The following HOOK2 variants were observed in gnomAD, a reference collection of about 807,000 sequenced individuals.
HOOK2 encodes the protein hook microtubule tethering protein 2.
Under a neutral mutation model 111.9 loss-of-function variants are expected in HOOK2, and 108 were observed. That is an observed-to-expected ratio of 0.96 (90% confidence interval 0.83 to 1.13). The LOEUF (loss-of-function observed/expected upper bound fraction) is 1.13. HOOK2 is among the 50% of genes most tolerant of loss of function. The pLI, the probability that HOOK2 is intolerant of heterozygous loss-of-function variation, is 0.00. For synonymous variants in HOOK2, 405 were observed against 394.3 expected (o/e 1.03, Z -0.32); for missense variants, 978 against 951.3 (o/e 1.03, Z -0.37).
Position 12,763,670 on chromosome 19 carries a change from C to A in HOOK2, c.1936G>T (p.Glu646Ter), listed in dbSNP as rs1184965380. 4.3e-6 allele frequency: 7 copies of A among 1,614,004 alleles called. No homozygotes were observed. The highest frequency in any genetic ancestry group is 4.2e-6 in the Non-Finnish European group (5 of 1,179,830). ...RERDVRIRHLEMDFEKSRSQR... is the reference protein window; with the variant it reads ...RERDVRIRHL The stretch of plus-strand genomic sequence containing the variant: ...CGTAAAGGGACGAGGACACCCACCT[C>A]CAGGTGTCGGATGCGGACATCCCGT... Residue 646 changes from glutamate to a stop codon, truncating the protein, a stop_gained and splice_region_variant, in exon 21 of 23, where the codon GAG becomes TAG. Transcript: ENST00000397668. LOFTEE classifies it high-confidence loss of function.
chr19:12,766,399 C>G, intron 14 of HOOK2, 159 bp from the exon 15 acceptor site: 1 of 888,756 alleles, frequency 1.1e-6, no homozygotes, highest in Non-Finnish European at 1.6e-6. Flanking sequence ...GGTTCAGGTT[C>G]CCGGCCCAGG....
intron 3 of HOOK2, among the ~76,000 whole-genome samples, chr19:12,789,174 T>TGAGAGAGAGAGAGAGAGACAAAGAGAGA (rs1249725564): frequency 6.8e-6 from 1 of 147,454 alleles, no homozygotes; most frequent in Non-Finnish European, 1.5e-5. Context: ...CCTGGGAAGC[T>TGAGAGAGAGAGAGAGAGACAAAGAGAGA]GAGAGAGAGA....
intron 19 of HOOK2, 26 bp downstream of exon 19, chr19:12,764,973 C>G (rs1207580219): frequency 8.7e-6 from 14 of 1,614,078 alleles, no homozygotes; most frequent in Middle Eastern, 1.6e-4. Flanking sequence ...GATCTCCCCA[C>G]CCTCTGGTCA....
chr19:12,779,806 G>A (rs935791173), upstream of HOOK2, among the ~76,000 whole-genome samples: 1 of 152,108 alleles, frequency 6.6e-6, no homozygotes, highest in African/African-American at 2.4e-5. Context: ...TTCGGGGACT[G>A]GGGGAGGGGA....
intron 3 of HOOK2, among the ~76,000 whole-genome samples, chr19:12,789,594 G>C (rs1232964805): frequency 6.6e-6 from 1 of 152,018 alleles, no homozygotes; most frequent in Non-Finnish European, 1.5e-5. Context: ...CCCCACCCGA[G>C]GGAGGAGGCA....
chr19:12,779,967 T>C (rs1024574171), upstream of HOOK2, among the ~76,000 whole-genome samples: 2 of 152,060 alleles, frequency 1.3e-5, no homozygotes, highest in African/African-American at 4.8e-5. Context: ...CTGGCCAACA[T>C]AGTGAAACCC....
chr19:12,769,577 A>G (rs1968252870), intron 11 of HOOK2, among the ~76,000 whole-genome samples: 1 of 152,114 alleles, frequency 6.6e-6, no homozygotes, highest in African/African-American at 2.4e-5. Flanking sequence ...CCTGGCCTTT[A>G]TGCATTTTAG....
chr19:12,767,933 G>A (rs747160248), intron 12 of HOOK2, 30 bp from the exon 13 acceptor site: 46 of 1,610,838 alleles, frequency 2.9e-5, no homozygotes, highest in Non-Finnish European at 3.5e-5. Context: ...GACACTCCAC[G>A]GGTCAGGCTC....
chr19:12,775,312 C>T, intron 1 of HOOK2, 93 bp downstream of exon 1: 5 of 1,536,546 alleles, frequency 3.3e-6, no homozygotes, highest in East Asian at 4.9e-5. Context: ...CACCTCCCAG[C>T]CCCAGCACCA....
upstream of HOOK2, among the ~76,000 whole-genome samples, chr19:12,782,667 G>A (rs936870804): frequency 1.3e-5 from 2 of 152,152 alleles, no homozygotes; most frequent in East Asian, 3.9e-4. Context: ...GTGCGTGGGC[G>A]GTGGCGGGGG....
At chr19:12,766,051 C>G (rs370090402) in intron 15 of HOOK2, 37 bp from the exon 16 acceptor site, 1 of 1,609,142 alleles carries the variant, frequency 6.2e-7, no homozygotes, top group African/African-American at 1.3e-5. Context: ...CCTGTGCCCA[C>G]TTTTGGCCCC....
rs1459468275 is a variant in HOOK2 at position 12,763,587 on chromosome 19, T to C, written c.1951A>G (p.Lys651Glu). ...RIRHLEMDFEKSRSQREQEEK... is the reference protein window; with the variant it reads ...RIRHLEMDFEESRSQREQEEK... ...TCCTGCTCCCGCTGACTTCGGCTTT[T>C]CTCAAAGTCCATCTGTCAAGGAGGC... is the stretch of plus-strand genomic sequence containing the variant. Residue 651 changes from lysine to glutamate, a missense_variant, in exon 22 of 23, where the codon AAA becomes GAA. Coordinates refer to ENST00000397668, the MANE Select transcript of HOOK2 (RefSeq NM_013312.3). 6.2e-7 allele frequency: 1 copy of C among 1,614,094 alleles called. No homozygotes were observed. The highest frequency in any genetic ancestry group is 8.5e-7 in the Non-Finnish European group (1 of 1,180,058).
Position 12,789,725 on chromosome 19 carries a change from G to A in HOOK2, n.42-15500C>T, listed in dbSNP as rs1358766797. 2.0e-5 allele frequency among the ~76,000 whole-genome samples: 3 copies of A among 151,444 alleles called. No homozygotes were observed. The East Asian group carries it at 5.9e-4, about 30-fold the overall frequency. On this transcript the variant is annotated intron_variant and non_coding_transcript_variant, in intron 3 of 3. Coordinates refer to the HOOK2 transcript ENST00000589765. ...GCCCGCGGGCAGGCGGGGACCTGCC[G>A]GGCTGGGTTGGGCCAGGCCGGGCCT...
At chr19:12,781,897 T>G (rs1599518973), upstream of HOOK2, among the ~76,000 whole-genome samples, 1 of 151,926 alleles carries the variant, frequency 6.6e-6, no homozygotes, top group Non-Finnish European at 1.5e-5. Flanking sequence ...TGGAGTGCAG[T>G]GGCACAATCG....
upstream of HOOK2, among the ~76,000 whole-genome samples, chr19:12,782,448 G>A (rs549496316): frequency 7.9e-5 from 12 of 152,378 alleles, no homozygotes; most frequent in African/African-American, 2.4e-4. Flanking sequence ...ACAGAGGACA[G>A]CAGGCTGCGC....
At chr19:12,775,573 C>T (rs979614775), upstream of HOOK2, 5 of 970,452 alleles carry the variant, frequency 5.2e-6, no homozygotes, top group South Asian at 2.7e-5. Flanking sequence ...CCCGCCCCGC[C>T]CCCCTAGGCG....
chr19:12,774,631 TCAC>T (rs758490333), intron 3 of HOOK2, 35 bp downstream of exon 3: 19 of 1,608,670 alleles, frequency 1.2e-5, no homozygotes, highest in Non-Finnish European at 1.5e-5. Context: ...GGTCATCTCT[TCAC>T]CAGTCTGTCC....
At chr19:12,787,564 G>A (rs1968669680) in intron 3 of HOOK2, among the ~76,000 whole-genome samples, 1 of 151,848 alleles carries the variant, frequency 6.6e-6, no homozygotes, top group Non-Finnish European at 1.5e-5. Context: ...CCTGGGAGGT[G>A]GAGGTTGTAG....
In HOOK2 at chr19:12,791,906, C is replaced by G. The variant is rs765894648; in HGVS notation, n.42-17681G>C. The G allele has an allele frequency of 6.2e-7, 1 of 1,613,306 alleles. No homozygotes were observed. The highest frequency in any genetic ancestry group is 1.3e-5 in the African/African-American group (1 of 75,046). ...CGAGCCTGGCGGTCAACCTGGCCGA[C>G]CCCTACCGGAGTCTCAAAGCGCCTG... On this transcript the variant is annotated intron_variant and non_coding_transcript_variant, in intron 3 of 3. Coordinates refer to the HOOK2 transcript ENST00000589765. This position sits in a 1 kb window ranked among gnomAD's most constrained non-coding sequence, Gnocchi z 7.0.
Sources: gnomAD v4.1 joint callset for allele counts (sites outside exome capture counted in the v4.1 genomes callset) on GRCh38, gnomAD v4.1.1 for gene constraint, Gnocchi (gnomAD v3.1) non-coding constraint, MANE v1.5 for transcripts, NCBI Gene and HGNC (gene_info 2026-07-23, HGNC 2026-07-21) for gene names.